Variants in PLEK observed in about 807,000 individuals in gnomAD.
The protein encoded by PLEK is platelet 47 kDa protein.
A neutral mutation model predicts 43.9 loss-of-function variants in PLEK; 25 were observed. That is an observed-to-expected ratio of 0.57 (90% CI 0.41 to 0.79). The LOEUF is 0.79. Among genes scored for constraint, PLEK ranks in the 30% least tolerant of loss-of-function variants. The pLI, the probability that PLEK is intolerant of heterozygous loss-of-function variation, is 0.00. For synonymous variants in PLEK, 152 were observed against 144.4 expected (o/e 1.05, Z -0.38); for missense variants, 396 against 413.3 (o/e 0.96, Z 0.36).
At chr2:68,365,538 A>C in intron 1 of PLEK, 145 bp downstream of exon 1, 14 of 668,806 alleles carry the variant, frequency 2.1e-5, no homozygotes, top group East Asian at 5.7e-5. Flanking sequence ...AGCACATAGA[A>C]TGTTGGAGTG....
At chr2:68,391,975 G>C (rs998486473) in intron 6 of PLEK, among the ~76,000 whole-genome samples, 1 of 152,134 alleles carries the variant, frequency 6.6e-6, no homozygotes, top group Non-Finnish European at 1.5e-5. Flanking sequence ...ATATGAAGCA[G>C]CTGCTATATG....
intron 2 of PLEK, 53 bp from the exon 3 acceptor site, chr2:68,380,670 G>C: frequency 1.3e-6 from 2 of 1,573,244 alleles, no homozygotes; most frequent in Non-Finnish European, 1.7e-6. Flanking sequence ...TTCATGAGGG[G>C]CCCCAAGCCC....
chr2:68,385,138 A>T (rs1673711225), intron 4 of PLEK, among the ~76,000 whole-genome samples: 1 of 152,166 alleles, frequency 6.6e-6, no homozygotes, highest in Non-Finnish European at 1.5e-5. Flanking sequence ...TTTTTAATTG[A>T]CACATAATAG....
At chr2:68,380,183 G>A (rs1369503399) in intron 1 of PLEK, 145 bp from the exon 2 acceptor site, 12 of 634,722 alleles carry the variant, frequency 1.9e-5, no homozygotes, top group East Asian at 2.9e-5. Context: ...ACTGATTTGA[G>A]AGGATTTGTG....
intron 1 of PLEK, among the ~76,000 whole-genome samples, chr2:68,367,875 C>A (rs1673314753): frequency 6.6e-6 from 1 of 152,144 alleles, no homozygotes; most frequent in Admixed American, 6.6e-5. Flanking sequence ...CTCCATTCAC[C>A]TTTTTCTCTT....
At chr2:68,389,997 C>T (rs1055074551) in intron 6 of PLEK, among the ~76,000 whole-genome samples, 1 of 151,612 alleles carries the variant, frequency 6.6e-6, no homozygotes, top group African/African-American at 2.4e-5. Flanking sequence ...ATTGGGCAAA[C>T]CCTAATCTAG....
At chr2:68,389,651 C>T (rs1047906467) in intron 6 of PLEK, among the ~76,000 whole-genome samples, 2 of 152,158 alleles carry the variant, frequency 1.3e-5, no homozygotes, top group African/African-American at 4.8e-5. Flanking sequence ...TTTAAGAGAA[C>T]AGTGTCCTAA....
At chr2:68,372,245 C>T (rs1475953175) in intron 1 of PLEK, among the ~76,000 whole-genome samples, 3 of 151,302 alleles carry the variant, frequency 2.0e-5, no homozygotes. Context: ...GTGATCTAGG[C>T]TCACTGCAAT....
rs372565012 is a variant in PLEK, at chr2:68,382,305, C to T, written c.381-237C>T. 2.4e-4 allele frequency among the ~76,000 whole-genome samples: 36 copies of T among 152,256 alleles called. No individual in the cohort carries two copies. The East Asian group carries it at 2.5e-3, about 11-fold the overall frequency. The stretch of plus-strand genomic sequence containing the variant: ...AATGAATTTAAGAGAATTTAGGAGA[C>T]GTTAAGTACCTTCCAGCATTGCTAA... On this transcript the variant is annotated intron_variant, in intron 3 of 8. Transcript: ENST00000234313.
rs1422016902 is a variant in PLEK at position 68,396,013 on chromosome 2, G to T, written c.*197G>T. On this transcript the variant is annotated 3_prime_UTR_variant, in exon 9 of 9. Coordinates refer to ENST00000234313, the MANE Select transcript of PLEK (RefSeq NM_002664.3). ...TTGTATTGCTCACTGCAGCCCCTCT[G>T]CCCCTATCCATGACCCCCAAGCAGA... The T allele has an allele frequency of 1.2e-5, 7 of 570,982 alleles. No homozygotes were observed. The highest frequency in any genetic ancestry group is 3.0e-5 in the Admixed American group (1 of 33,494). 35.4% of individuals were successfully genotyped at this position (570,982 alleles called of 1,614,324 possible).
At chr2:68,393,897 T>C (rs1673908699) in intron 7 of PLEK, among the ~76,000 whole-genome samples, 1 of 152,164 alleles carries the variant, frequency 6.6e-6, no homozygotes, top group African/African-American at 2.4e-5. Context: ...CATTTTCTCA[T>C]TGAGCCTCCT....
Position 68,394,115 on chromosome 2 carries a change from T to A in PLEK, c.855T>A (p.Asp285Glu), listed in dbSNP as rs763256512. The A allele has an allele frequency of 1.1e-5, 18 of 1,605,680 alleles. No individual in the cohort carries two copies. The highest frequency in any genetic ancestry group is 8.5e-7 in the Non-Finnish European group (1 of 1,172,472). The change falls in exon 8 of 9, where the codon GAT becomes GAA. Residue 285 changes from aspartate (D) to glutamate (E), a missense_variant. Coordinates refer to ENST00000234313, the MANE Select transcript of PLEK (RefSeq NM_002664.3). ...ACTCCTTTCTTCTTTAGGCAGAAGA[T>A]CCCCTGGGAGCAATTCACTTGAGAG... ...LHYYDPAGAEDPLGAIHLRGC... is the reference protein window; with the variant it reads ...LHYYDPAGAEEPLGAIHLRGC...
rs1320647484 is a variant in PLEK, at chr2:68,395,833, C to T, written c.*17C>T. 1.9e-6 allele frequency: 3 copies of T among 1,607,402 alleles called. No individual in the cohort carries two copies. The highest frequency in any genetic ancestry group is 2.6e-6 in the Non-Finnish European group (3 of 1,174,250). On this transcript the variant is annotated 3_prime_UTR_variant, in exon 9 of 9. Transcript: ENST00000234313. ...GGGAAGTAAAGAGACTCCTGCATTC[C>T]TCCTCCCCTCCTGAGGGAAGCCCAT...
intron 5 of PLEK, chr2:68,387,889 T>A (rs2103780248): frequency 6.6e-6 from 1 of 152,438 alleles, no homozygotes. Flanking sequence ...CATCATCTAC[T>A]TTTGCTGAGC....
Position 68,383,117 on chromosome 2 carries a change from C to T in PLEK, c.472+484C>T, listed in dbSNP as rs183779873. 2.9e-3 allele frequency among the ~76,000 whole-genome samples: 435 copies of T among 152,314 alleles called. 2 individuals are homozygous for T. Among genetic ancestry groups the T allele is most frequent in the African/African-American group, 9.8e-3 (407 of 41,568 alleles). On this transcript the variant is annotated intron_variant, in intron 4 of 8. Transcript: ENST00000234313. ...CCTTTAGAGCCAGACCACCTTGGTT[C>T]AAATTCTGGCTCTGCAACTTACTAG...
intron 4 of PLEK, among the ~76,000 whole-genome samples, chr2:68,385,239 A>AT (rs1673713588): frequency 1.3e-5 from 2 of 152,192 alleles, no homozygotes; most frequent in Non-Finnish European, 2.9e-5. Flanking sequence ...ATCACCTCAA[A>AT]TATCTATCTT....
intron 1 of PLEK, among the ~76,000 whole-genome samples, chr2:68,377,043 C>T (rs1558497390): frequency 6.6e-6 from 1 of 152,146 alleles, no homozygotes; most frequent in Non-Finnish European, 1.5e-5. Flanking sequence ...CTGTGCCTGG[C>T]TCATTTCACT....
At position 68,380,907 on chromosome 2, in the gene PLEK, G is replaced by A. The variant is rs1393471052; in HGVS notation, c.380+3G>A. On this transcript the variant is annotated splice_donor_region_variant and intron_variant, in intron 3 of 8. Transcript: ENST00000234313. Reference sequence around the variant, plus strand: ...CTGCCAGAAACCATTGACTTAGGGTGATTTTCTGTGTTTACTTCTCTTTAC... The same window carrying A: ...CTGCCAGAAACCATTGACTTAGGGTAATTTTCTGTGTTTACTTCTCTTTAC... The A allele has an allele frequency of 2.5e-6, 4 of 1,610,866 alleles. No homozygotes were observed. The East Asian group carries it at 6.7e-5, about 27-fold the overall frequency.
chr2:68,386,789 C>T (rs538628064), intron 5 of PLEK, 103 bp downstream of exon 5: 9 of 856,654 alleles, frequency 1.1e-5, no homozygotes, highest in East Asian at 2.5e-5. Context: ...TGTTAGGCAG[C>T]GGGTAGGGAG....
Sources: allele counts gnomAD v4.1 joint callset (sites outside exome capture counted in the v4.1 genomes callset), GRCh38; gene constraint gnomAD v4.1.1; transcripts MANE v1.5; gene names NCBI Gene and HGNC (gene_info 2026-07-23, HGNC 2026-07-21).